Variants in CTTNBP2 observed in about 807,000 individuals in gnomAD.
CTTNBP2 encodes cortactin binding protein 2.
CTTNBP2 carries 108 observed loss-of-function variants against 156.9 expected under a neutral mutation model. The observed-to-expected ratio is 0.69, with a 90% CI of 0.59 to 0.81. The LOEUF is 0.81. Ranked by LOEUF, CTTNBP2 falls within the 30% of genes least tolerant of loss-of-function variation. CTTNBP2 has a pLI of 0.00. For missense variants in CTTNBP2, 1,924 were observed against 2,035.4 expected, an observed-to-expected ratio of 0.95 and a Z score of 1.05; for synonymous variants, 767 against 751.8, an observed-to-expected ratio of 1.02 and a Z score of -0.33.
At chr7:117,831,595 C>T (rs1801613800) in intron 2 of CTTNBP2, among the ~76,000 whole-genome samples, 1 of 152,130 alleles carries the variant, frequency 6.6e-6, no homozygotes, top group African/African-American at 2.4e-5. Context: ...CACAACAGCA[C>T]ATTTGAAAGA....
intron 3 of CTTNBP2, among the ~76,000 whole-genome samples, chr7:117,794,155 T>C (rs1799188034): frequency 6.6e-6 from 1 of 152,240 alleles, no homozygotes; most frequent in East Asian, 1.9e-4. Context: ...TCAACTTCCG[T>C]TACTGATGGG....
At chr7:117,777,165 T>C (rs1177968165) in intron 8 of CTTNBP2, among the ~76,000 whole-genome samples, 1 of 152,196 alleles carries the variant, frequency 6.6e-6, no homozygotes, top group Non-Finnish European at 1.5e-5. Context: ...ATCCTGACCC[T>C]GCCTCTAACT....
At chr7:117,810,706 G>A (rs2116966283) in intron 3 of CTTNBP2, 59 bp downstream of exon 3, 5 of 1,348,414 alleles carry the variant, frequency 3.7e-6, no homozygotes, top group Non-Finnish European at 5.3e-6. Context: ...AACTTTGGAG[G>A]TGATCTCCTC....
intron 2 of CTTNBP2, among the ~76,000 whole-genome samples, chr7:117,812,842 A>G (rs1800371606): frequency 6.6e-6 from 1 of 152,182 alleles, no homozygotes; most frequent in Non-Finnish European, 1.5e-5. Context: ...AATTTAATAA[A>G]AGACCTACAG....
intron 4 of CTTNBP2, among the ~76,000 whole-genome samples, chr7:117,786,212 C>A (rs35638149): frequency 0.1 from 15,360 of 152,158 alleles, 1,168 homozygotes; most frequent in African/African-American, 0.21. Flanking sequence ...TCTTTATAAT[C>A]AATTATTTGG....
intron 2 of CTTNBP2, among the ~76,000 whole-genome samples, chr7:117,819,363 TCTCTCA>T (rs1389612173): frequency 7.4e-6 from 1 of 135,160 alleles, no homozygotes; most frequent in Non-Finnish European, 1.6e-5. Flanking sequence ...TCCTTCTCTC[TCTCTCA>T]CACACACACA....
chr7:117,719,841 TTTTG>T (rs754717140), intron 20 of CTTNBP2, among the ~76,000 whole-genome samples: 7 of 152,210 alleles, frequency 4.6e-5, no homozygotes, highest in Non-Finnish European at 7.3e-5. Flanking sequence ...GAGGATAAAA[TTTTG>T]TTTCACAAAG....
chr7:117,799,036 G>A (rs1041311655), intron 3 of CTTNBP2, among the ~76,000 whole-genome samples: 2 of 151,042 alleles, frequency 1.3e-5, no homozygotes, highest in Non-Finnish European at 3.0e-5. Flanking sequence ...CTAAATTCAC[G>A]ATTAAAAACT....
intron 4 of CTTNBP2, among the ~76,000 whole-genome samples, chr7:117,785,458 G>A (rs1205823474): frequency 6.6e-6 from 1 of 152,088 alleles, no homozygotes; most frequent in Non-Finnish European, 1.5e-5. Flanking sequence ...TTTCCTTATA[G>A]GGTTCTAATA....
At chr7:117,873,040 T>C (rs1233668871) in intron 1 of CTTNBP2, among the ~76,000 whole-genome samples, 1 of 151,972 alleles carries the variant, frequency 6.6e-6, no homozygotes, top group Non-Finnish European at 1.5e-5. Context: ...GGAGTGGGCA[T>C]AGGGGTCGCA....
chr7:117,783,040 G>C, intron 5 of CTTNBP2, 79 bp from the exon 6 acceptor site: 1 of 1,002,592 alleles, frequency 1.0e-6, no homozygotes, highest in Non-Finnish European at 1.6e-6. Context: ...GCTGTAGATA[G>C]ATTCTAATCC....
chr7:117,860,375 C>T (rs567616336), intron 2 of CTTNBP2, among the ~76,000 whole-genome samples: 1 of 151,428 alleles, frequency 6.6e-6, no homozygotes, highest in South Asian at 2.1e-4. Flanking sequence ...TGGAGTCTTG[C>T]TCTGTCGCCC....
chr7:117,731,848 A>G (rs1029896729), intron 16 of CTTNBP2, among the ~76,000 whole-genome samples: 1 of 152,236 alleles, frequency 6.6e-6, no homozygotes, highest in Non-Finnish European at 1.5e-5. Context: ...AGCTGATTAC[A>G]TGAACTTAAC....
At chr7:117,737,739 C>T (rs779215313) in intron 14 of CTTNBP2, among the ~76,000 whole-genome samples, 1 of 152,012 alleles carries the variant, frequency 6.6e-6, no homozygotes, top group Non-Finnish European at 1.5e-5. Flanking sequence ...ATGCCAAATA[C>T]AAAATTTTTT....
intron 2 of CTTNBP2, among the ~76,000 whole-genome samples, chr7:117,812,395 T>C (rs1482597366): frequency 1.3e-5 from 2 of 151,922 alleles, no homozygotes; most frequent in Non-Finnish European, 2.9e-5. Context: ...ATGCATACAG[T>C]TCCATACTTT....
intron 12 of CTTNBP2, among the ~76,000 whole-genome samples, chr7:117,749,353 CTGCAGT>C (rs1796505430): frequency 6.6e-6 from 1 of 152,152 alleles, no homozygotes; most frequent in South Asian, 2.1e-4. Context: ...AACTTGGTGT[CTGCAGT>C]TGCTGATTAA....
chr7:117,719,579 ACCCAGAGAGAGTC>A lies in CTTNBP2; in HGVS notation c.4556_4568del (p.Arg1519IlefsTer34), dbSNP rs771904829. 2 of 1,613,676 alleles carry A rather than the reference ACCCAGAGAGAGTC, an allele frequency of 1.2e-6. No homozygotes were observed. Among genetic ancestry groups the A allele is most frequent in the Non-Finnish European group, 1.7e-6 (2 of 1,179,630 alleles). The stretch of plus-strand genomic sequence containing the variant: ...TGACAAGATCTGCTTCGTCATCTGA[ACCCAGAGAGAGTC>A]TCTGATCCAAATTCAACGTCAGTGA... On this transcript the variant is annotated frameshift_variant, in exon 21 of 23. Coordinates refer to ENST00000160373, the MANE Select transcript of CTTNBP2 (RefSeq NM_033427.3). LOFTEE classifies it high-confidence loss of function.
At chr7:117,747,449 T>C (rs950581637) in intron 12 of CTTNBP2, among the ~76,000 whole-genome samples, 1 of 152,222 alleles carries the variant, frequency 6.6e-6, no homozygotes, top group Non-Finnish European at 1.5e-5. Flanking sequence ...AGAGATGAAC[T>C]AAACTTTTTC....
chr7:117,758,033 T>A, intron 10 of CTTNBP2, 63 bp from the exon 11 acceptor site: 1 of 1,168,870 alleles, frequency 8.6e-7, no homozygotes, highest in Non-Finnish European at 1.2e-6. Flanking sequence ...CTCACAAGGG[T>A]AAACATATGC....
Sources: allele counts gnomAD v4.1 joint callset (sites outside exome capture counted in the v4.1 genomes callset), GRCh38; gene constraint gnomAD v4.1.1; transcripts MANE v1.5; gene names NCBI Gene and HGNC (gene_info 2026-07-23, HGNC 2026-07-21).